The following PAPPA2 variants were observed in gnomAD, a reference collection of about 807,000 sequenced individuals.
PAPPA2 encodes pappalysin 2.
In PAPPA2, 86 loss-of-function variants were observed where a neutral mutation model predicts 176.4. That is an observed-to-expected ratio of 0.49 (90% confidence interval 0.41 to 0.58). PAPPA2 has a LOEUF of 0.58. PAPPA2 is among the 20% of genes least tolerant of loss of function. The pLI is 0.00. For missense variants in PAPPA2, 2,073 were observed against 2,256.9 expected (o/e 0.92, Z 1.65); for synonymous variants, 809 against 852.2 (o/e 0.95, Z 0.88).
chr1:176,510,680 A>T (rs2102522538), intron 1 of PAPPA2, among the ~76,000 whole-genome samples: 1 of 152,168 alleles, frequency 6.6e-6, no homozygotes, highest in African/African-American at 2.4e-5. Flanking sequence ...TAATACATAC[A>T]GATAAAAATA....
intron 21 of PAPPA2, among the ~76,000 whole-genome samples, chr1:176,824,703 C>G (rs911463550): frequency 3.9e-5 from 6 of 152,150 alleles, no homozygotes; most frequent in African/African-American, 1.4e-4. Context: ...GCTCATTCCC[C>G]AAGTGACCTT....
chr1:176,498,923 G>A (rs1365838458), intron 1 of PAPPA2, among the ~76,000 whole-genome samples: 3 of 152,134 alleles, frequency 2.0e-5, no homozygotes, highest in African/African-American at 4.8e-5. Flanking sequence ...ATTTCAGCCA[G>A]TGTATTACTA....
chr1:176,624,559 C>T (rs1655900686), intron 3 of PAPPA2, among the ~76,000 whole-genome samples: 1 of 152,146 alleles, frequency 6.6e-6, no homozygotes, highest in Non-Finnish European at 1.5e-5. Flanking sequence ...CTACTCTCAT[C>T]TCTCATCATT....
intron 12 of PAPPA2, among the ~76,000 whole-genome samples, chr1:176,731,168 G>A (rs974884757): frequency 1.3e-5 from 2 of 151,674 alleles, no homozygotes; most frequent in Non-Finnish European, 2.9e-5. Flanking sequence ...TTTTAAATTT[G>A]TGTTCCTTAT....
intron 17 of PAPPA2, among the ~76,000 whole-genome samples, chr1:176,777,954 A>G (rs192862475): frequency 7.9e-5 from 12 of 151,964 alleles, no homozygotes; most frequent in Admixed American, 3.9e-4. Flanking sequence ...TTCTTCTTTA[A>G]CAAGGAGTAT....
chr1:176,580,418 C>T (rs75213339), intron 2 of PAPPA2, among the ~76,000 whole-genome samples: 1,749 of 152,226 alleles, frequency 0.011, 19 homozygotes, highest in Non-Finnish European at 0.015. Context: ...CGTTGTTGGG[C>T]ACTGGGGTTG....
intron 3 of PAPPA2, chr1:176,616,644 C>T (rs1321812804): frequency 7.0e-6 from 11 of 1,569,884 alleles, no homozygotes; most frequent in Non-Finnish European, 8.7e-6. Flanking sequence ...AGTTGCTTCA[C>T]ATACTCTTAC....
At chr1:176,474,837 G>A (rs1335480131) in intron 1 of PAPPA2, among the ~76,000 whole-genome samples, 6 of 152,150 alleles carry the variant, frequency 3.9e-5, no homozygotes, top group Non-Finnish European at 2.9e-5. Context: ...GACTTGTCAT[G>A]GCTCTAGAAA....
At chr1:176,576,178 ACT>A (rs1306863336) in intron 2 of PAPPA2, among the ~76,000 whole-genome samples, 1 of 151,966 alleles carries the variant, frequency 6.6e-6, no homozygotes, top group Non-Finnish European at 1.5e-5. Flanking sequence ...TGGTTTACTA[ACT>A]CTCTCTCACT....
At chr1:176,497,146 TC>T (rs1647676896) in intron 1 of PAPPA2, among the ~76,000 whole-genome samples, 1 of 152,220 alleles carries the variant, frequency 6.6e-6, no homozygotes, top group Non-Finnish European at 1.5e-5. Flanking sequence ...TGTGTCTAAG[TC>T]CCAGTTAGAT....
chr1:176,611,113 A>G (rs1279987273), intron 3 of PAPPA2, among the ~76,000 whole-genome samples: 2 of 152,198 alleles, frequency 1.3e-5, no homozygotes, highest in Non-Finnish European at 2.9e-5. Context: ...CATCAAAATA[A>G]TCATTCTAAG....
chr1:176,702,152 G>A (rs1232392881), intron 8 of PAPPA2, among the ~76,000 whole-genome samples: 1 of 152,184 alleles, frequency 6.6e-6, no homozygotes, highest in Non-Finnish European at 1.5e-5. Context: ...CTCAAGACAG[G>A]AATTCTCTTG....
chr1:176,592,777 G>A (rs184746608), intron 2 of PAPPA2, among the ~76,000 whole-genome samples: 5 of 152,222 alleles, frequency 3.3e-5, no homozygotes, highest in African/African-American at 9.6e-5. Flanking sequence ...GTAACTCCAC[G>A]GTCCTGATAT....
intron 1 of PAPPA2, among the ~76,000 whole-genome samples, chr1:176,515,600 C>T (rs768368059): frequency 2.0e-5 from 3 of 152,136 alleles, no homozygotes; most frequent in African/African-American, 4.8e-5. Flanking sequence ...TGCATCAATC[C>T]GGTGCTTTCT....
At chr1:176,653,525 A>G (rs1344202054) in intron 3 of PAPPA2, among the ~76,000 whole-genome samples, 1 of 151,432 alleles carries the variant, frequency 6.6e-6, no homozygotes, top group Non-Finnish European at 1.5e-5. Context: ...TTTCTTTCTT[A>G]TATGGTCTTT....
At chr1:176,511,554 CG>C (rs1648598684) in intron 1 of PAPPA2, among the ~76,000 whole-genome samples, 1 of 152,124 alleles carries the variant, frequency 6.6e-6, no homozygotes, top group Non-Finnish European at 1.5e-5. Context: ...ACTAGGCAAA[CG>C]GTACCTAGAT....
At chr1:176,482,003 C>T (rs1173594462) in intron 1 of PAPPA2, among the ~76,000 whole-genome samples, 1 of 152,154 alleles carries the variant, frequency 6.6e-6, no homozygotes, top group Non-Finnish European at 1.5e-5. Context: ...TGAACCACCA[C>T]AGCCGGACAA....
intron 1 of PAPPA2, among the ~76,000 whole-genome samples, chr1:176,483,343 A>G (rs566212136): frequency 1.3e-5 from 2 of 152,190 alleles, no homozygotes; most frequent in East Asian, 1.9e-4. Flanking sequence ...GAGAAGAGGT[A>G]AAAAAGGACT....
chr1:176,740,319 C>G, intron 14 of PAPPA2, 123 bp downstream of exon 14: 1 of 1,015,904 alleles, frequency 9.8e-7, no homozygotes, highest in Non-Finnish European at 1.4e-6. Context: ...AATTTAGGAA[C>G]TACTAAAAAG....
Sources: allele counts gnomAD v4.1 joint callset (sites outside exome capture counted in the v4.1 genomes callset), GRCh38; gene constraint gnomAD v4.1.1; transcripts MANE v1.5; gene names NCBI Gene and HGNC (gene_info 2026-07-23, HGNC 2026-07-21).